KCTD8: variants seen among roughly 807,000 people sequenced by gnomAD.
The protein encoded by KCTD8 is potassium channel tetramerization domain containing 8.
A neutral mutation model predicts 31.5 loss-of-function variants in KCTD8; 27 were observed. The observed-to-expected ratio is 0.86, with a 90% CI of 0.63 to 1.18. The LOEUF (loss-of-function observed/expected upper bound fraction) is 1.18, where lower values mean the gene tolerates loss of function less well. Ranked by LOEUF, KCTD8 falls within the 50% of genes most tolerant of loss-of-function variation. KCTD8 has a pLI of 0.00. For missense variants in KCTD8, 658 were observed against 647.7 expected, an observed-to-expected ratio of 1.02 and a Z score of -0.17; for synonymous variants, 290 against 280.0, an observed-to-expected ratio of 1.04 and a Z score of -0.36.
intron 1 of KCTD8, among the ~76,000 whole-genome samples, chr4:44,280,971 C>G (rs931838838): frequency 2.0e-5 from 3 of 151,992 alleles, no homozygotes; most frequent in Non-Finnish European, 4.4e-5. Flanking sequence ...GTCTATAAGA[C>G]AAGCGCCATT....
At chr4:44,266,311 A>G (rs1236797565) in intron 1 of KCTD8, among the ~76,000 whole-genome samples, 1 of 151,824 alleles carries the variant, frequency 6.6e-6, no homozygotes, top group Non-Finnish European at 1.5e-5. Flanking sequence ...TAAGTGAAGG[A>G]GAAATAAAAT....
chr4:44,299,914 G>A (rs1030091030), intron 1 of KCTD8, among the ~76,000 whole-genome samples: 7 of 151,680 alleles, frequency 4.6e-5, no homozygotes, highest in Non-Finnish European at 8.8e-5. Flanking sequence ...ACCACGCCCG[G>A]CTAATTTTTT....
At chr4:44,235,557 A>ATATATATATATATATATG (rs1715258642) in intron 1 of KCTD8, among the ~76,000 whole-genome samples, 1 of 69,446 alleles carries the variant, frequency 1.4e-5, no homozygotes, top group African/African-American at 7.4e-5. Context: ...ATATATATAT[A>ATATATATATATATATATG]TATATATATA....
chr4:44,233,654 T>G (rs1397159919), intron 1 of KCTD8, among the ~76,000 whole-genome samples: 1 of 152,188 alleles, frequency 6.6e-6, no homozygotes, highest in Non-Finnish European at 1.5e-5. Flanking sequence ...TTTATTTTTA[T>G]ATAGAAATTC....
chr4:44,303,752 G>T (rs1016558339), intron 1 of KCTD8, among the ~76,000 whole-genome samples: 7 of 151,962 alleles, frequency 4.6e-5, no homozygotes, highest in Non-Finnish European at 7.4e-5. Context: ...GGCAGAGGTT[G>T]CAGTGAACTG....
intron 1 of KCTD8, among the ~76,000 whole-genome samples, chr4:44,388,398 T>A (rs547983205): frequency 3.9e-4 from 59 of 151,944 alleles, no homozygotes; most frequent in Non-Finnish European, 5.9e-4. Context: ...TAAAGACACA[T>A]GCACACGTAT....
rs1203532341 is a variant in KCTD8 at position 44,293,841 on chromosome 4, GC to G, written c.962-118592del. The stretch of plus-strand genomic sequence containing the variant: ...GACATCGTCAGAGAACCTGTGGAAA[GC>G]CAATCAAAAAAAGGATGATTTATCA... On this transcript the variant is annotated intron_variant, in intron 1 of 1. Transcript: ENST00000360029. The G allele has an allele frequency of 6.7e-6, 3 of 450,934 alleles. No individual in the cohort carries two copies. The East Asian group carries it at 2.1e-4, about 31-fold the overall frequency. 27.9% of individuals were successfully genotyped at this position (450,934 alleles called of 1,614,324 possible).
intron 1 of KCTD8, among the ~76,000 whole-genome samples, chr4:44,316,955 G>A (rs1404585008): frequency 6.6e-6 from 1 of 151,102 alleles, no homozygotes; most frequent in Non-Finnish European, 1.5e-5. Flanking sequence ...TCCAGCCTGG[G>A]CAACAGAGCG....
chr4:44,359,493 A>G (rs536625701), intron 1 of KCTD8, among the ~76,000 whole-genome samples: 1 of 152,310 alleles, frequency 6.6e-6, no homozygotes, highest in African/African-American at 2.4e-5. Context: ...CCTTAGCGAC[A>G]GAGAAGGAAA....
chr4:44,331,529 T>C (rs1447876882), intron 1 of KCTD8, among the ~76,000 whole-genome samples: 1 of 151,690 alleles, frequency 6.6e-6, no homozygotes, highest in African/African-American at 2.4e-5. Context: ...ACACTGTTCT[T>C]ATTGTAATGA....
intron 1 of KCTD8, among the ~76,000 whole-genome samples, chr4:44,235,314 G>A (rs1715243503): frequency 6.7e-6 from 1 of 149,816 alleles, no homozygotes; most frequent in African/African-American, 2.4e-5. Flanking sequence ...CAAGAAAGTA[G>A]CAAAATTGAG....
chr4:44,212,646 TC>T (rs1714524256), intron 1 of KCTD8, among the ~76,000 whole-genome samples: 1 of 152,170 alleles, frequency 6.6e-6, no homozygotes, highest in Non-Finnish European at 1.5e-5. Flanking sequence ...AAAAAAAAAT[TC>T]CAGTGCTTTC....
chr4:44,443,915 C>T (rs1721870839), intron 1 of KCTD8, among the ~76,000 whole-genome samples: 1 of 152,148 alleles, frequency 6.6e-6, no homozygotes, highest in Non-Finnish European at 1.5e-5. Flanking sequence ...CAATGACACT[C>T]AGCAGACATC....
chr4:44,333,539 T>C (rs1176850024), intron 1 of KCTD8, among the ~76,000 whole-genome samples: 2 of 152,138 alleles, frequency 1.3e-5, no homozygotes, highest in Admixed American at 6.6e-5. Context: ...TCATGATTTC[T>C]AGCAGCAGTA....
intron 1 of KCTD8, among the ~76,000 whole-genome samples, chr4:44,198,988 A>G (rs984551774): frequency 2.6e-5 from 4 of 152,188 alleles, no homozygotes; most frequent in Non-Finnish European, 4.4e-5. Context: ...AAAAAAGAGC[A>G]GGAGTTGCTC....
chr4:44,437,343 G>A (rs184243853), intron 1 of KCTD8, among the ~76,000 whole-genome samples: 101 of 152,178 alleles, frequency 6.6e-4, no homozygotes, highest in South Asian at 2.3e-3. Context: ...AAATGTCATC[G>A]TCCCAGTCAT....
chr4:44,230,409 C>T (rs961188014), intron 1 of KCTD8, among the ~76,000 whole-genome samples: 1 of 151,994 alleles, frequency 6.6e-6, no homozygotes, highest in Non-Finnish European at 1.5e-5. Context: ...ATTATACAGG[C>T]ATAAAATGTT....
intron 1 of KCTD8, among the ~76,000 whole-genome samples, chr4:44,433,865 A>G (rs1319163775): frequency 1.3e-5 from 2 of 151,664 alleles, no homozygotes; most frequent in Admixed American, 6.6e-5. Context: ...ATCTCCACTA[A>G]TGTTCATCTG....
intron 1 of KCTD8, among the ~76,000 whole-genome samples, chr4:44,439,981 G>C (rs1330212939): frequency 6.6e-6 from 1 of 151,490 alleles, no homozygotes; most frequent in Non-Finnish European, 1.5e-5. Flanking sequence ...TCCCAGGCTG[G>C]AGTGCAACGG....
Sources: gnomAD v4.1 joint callset for allele counts (sites outside exome capture counted in the v4.1 genomes callset) on GRCh38, gnomAD v4.1.1 for gene constraint, MANE v1.5 for transcripts, NCBI Gene and HGNC (gene_info 2026-07-23, HGNC 2026-07-21) for gene names.